CD101: variants seen among roughly 807,000 people sequenced by gnomAD.
CD101 encodes the protein CD101 molecule, also known as immunoglobulin superfamily member 2.
Under a neutral mutation model 98.2 loss-of-function variants are expected in CD101, and 76 were observed. The observed-to-expected ratio is 0.77, with a 90% confidence interval of 0.64 to 0.94. The LOEUF is 0.94. CD101 is among the 40% of genes least tolerant of loss of function. The pLI is 0.00. For synonymous variants in CD101, 471 were observed against 472.7 expected (o/e 1.00, Z 0.05); for missense variants, 1,145 against 1,218.8 (o/e 0.94, Z 0.90).
chr1:117,013,696 G>T lies in CD101; in HGVS notation c.1132G>T (p.Val378Leu). The T allele has an allele frequency of 6.2e-7, 1 of 1,614,108 alleles. No homozygotes were observed. The highest frequency in any genetic ancestry group is 1.1e-5 in the South Asian group (1 of 91,080). Reference protein sequence around the residue: ...GPEDEGAYRCVVAEVMKTRTG... With the variant: ...GPEDEGAYRCLVAEVMKTRTG... ...AGAGGATGAAGGCGCCTACAGATGT[G>T]TGGTAGCAGAGGTCATGAAAACACG... Residue 378 changes from valine (V) to leucine (L), a missense_variant, in exon 4 of 10, where the codon GTG (valine) becomes TTG (leucine). Transcript: ENST00000682167.
At position 117,001,792 on chromosome 1, in the gene CD101, G is replaced by A. The variant is rs370003822; in HGVS notation, c.-26G>A. ...CTCTGAATGTTAGTGACACTATTGG[G>A]ACGAAAAAGGACTGTGCTGGCCCAA... On this transcript the variant is annotated 5_prime_UTR_variant, in exon 1 of 10. Transcript: ENST00000682167. 32 of 1,612,148 alleles carry A rather than the reference G, an allele frequency of 2.0e-5. No individual in the cohort carries two copies. Among genetic ancestry groups the A allele is most frequent in the Non-Finnish European group, 2.4e-5 (28 of 1,178,488 alleles).
At chr1:117,024,696 A>G (rs1653793846) in intron 7 of CD101, among the ~76,000 whole-genome samples, 1 of 152,190 alleles carries the variant, frequency 6.6e-6, no homozygotes, top group South Asian at 2.1e-4. Context: ...AATAGCTCCC[A>G]TGGATGGCCT....
chr1:117,013,292 C>T (rs936557888), intron 3 of CD101, 114 bp from the exon 4 acceptor site: 177 of 1,278,670 alleles, frequency 1.4e-4, no homozygotes, highest in South Asian at 3.7e-4. Flanking sequence ...GAATTGAACT[C>T]CCACATAAAA....
intron 6 of CD101, among the ~76,000 whole-genome samples, chr1:117,020,561 C>CA (rs981596349): frequency 3.3e-5 from 5 of 152,224 alleles, no homozygotes; most frequent in Admixed American, 2.0e-4. Context: ...ACAAAACAAC[C>CA]AAAAATCTCA....
chr1:117,020,825 G>A (rs1653534333), intron 6 of CD101, among the ~76,000 whole-genome samples: 1 of 152,208 alleles, frequency 6.6e-6, no homozygotes, highest in Non-Finnish European at 1.5e-5. Context: ...GTTGAAGGAA[G>A]AGTAAAGGGA....
Position 117,022,094 on chromosome 1 carries a change from A to ATATTTT in CD101, c.2428+113_2428+114insTTTTTA. 1 of 1,226,708 alleles carries ATATTTT rather than the reference A, an allele frequency of 8.2e-7. No homozygotes were observed. Among genetic ancestry groups the ATATTTT allele is most frequent in the Non-Finnish European group, 1.1e-6 (1 of 876,644 alleles). The allele number at this position is 1,226,708 out of a possible 1,614,324, so 76.0% of individuals were successfully genotyped here. On this transcript the variant is annotated intron_variant, in intron 7 of 9. Transcript: ENST00000682167. This position sits in a 1 kb window ranked among gnomAD's most constrained non-coding sequence, Gnocchi z 4.8. ...GGAAGTAAAAATATGACCTAAAGTC[A>ATATTTT]TAGGAACAGTATCTACCTACACATG...
At chr1:117,016,848 C>A (rs1653248219) in intron 4 of CD101, among the ~76,000 whole-genome samples, 1 of 152,100 alleles carries the variant, frequency 6.6e-6, no homozygotes, top group South Asian at 2.1e-4. Flanking sequence ...AGAGCAAGAC[C>A]CAGTCTTTAG....
rs1424338219 is a variant in CD101 at position 117,033,019 on chromosome 1, A to C, written c.2825-841A>C. The C allele has an allele frequency of 6.6e-6, 1 of 152,318 alleles. No homozygotes were observed. Among genetic ancestry groups the C allele is most frequent in the Non-Finnish European group, 1.5e-5 (1 of 68,082 alleles). 9.4% of individuals were successfully genotyped at this position (152,318 alleles called of 1,614,324 possible). A position where few individuals can be genotyped will look rare whatever the true frequency, so the allele number is the denominator to read the frequency against. ...AAGTTACTGAGCACATGTGCTAGGCACTGTAGGGGATATAGAAACAAATGG... is the reference window on the plus strand; with the variant it reads ...AAGTTACTGAGCACATGTGCTAGGCCCTGTAGGGGATATAGAAACAAATGG... On this transcript the variant is annotated intron_variant, in intron 8 of 9. Transcript: ENST00000682167. The surrounding 1 kb of genome is among the most constrained non-coding windows in gnomAD (Gnocchi z 4.8).
intron 8 of CD101, chr1:117,026,719 A>G (rs1197250610): frequency 1.3e-5 from 2 of 152,250 alleles, no homozygotes; most frequent in Non-Finnish European, 2.9e-5. Context: ...GGGATCCTTC[A>G]TAGCATACAT....
chr1:117,023,722 C>A lies in CD101; in HGVS notation c.2428+1739C>A, dbSNP rs1321377928. On this transcript the variant is annotated intron_variant, in intron 7 of 9. Transcript: ENST00000682167. The surrounding 1 kb of genome is among the most constrained non-coding windows in gnomAD (Gnocchi z 4.4). ...GTGAGCCACTGCGCCCAGCCCAGTT[C>A]TCTTAAAATACTGCAAGTGTCAAGC... 1.3e-5 allele frequency among the ~76,000 whole-genome samples: 2 copies of A among 151,884 alleles called. No individual in the cohort carries two copies. The highest frequency in any genetic ancestry group is 4.8e-5 in the African/African-American group (2 of 41,368).
At chr1:117,003,394 G>C (rs954029368) in intron 1 of CD101, among the ~76,000 whole-genome samples, 3 of 152,188 alleles carry the variant, frequency 2.0e-5, no homozygotes, top group African/African-American at 7.2e-5. Context: ...TCAGACCTAG[G>C]GCCTGCAGGG....
intron 9 of CD101, among the ~76,000 whole-genome samples, chr1:117,035,001 C>T (rs1654720143): frequency 6.6e-6 from 1 of 152,166 alleles, no homozygotes; most frequent in Non-Finnish European, 1.5e-5. Context: ...ACCGTTCCCT[C>T]ATACGCCTGC....
intron 1 of CD101, 71 bp from the exon 2 acceptor site, chr1:117,009,779 A>G: frequency 2.0e-6 from 3 of 1,467,350 alleles, no homozygotes; most frequent in Non-Finnish European, 2.8e-6. Flanking sequence ...ACAGGGAAAT[A>G]CATAACGTGG....
At chr1:117,026,239 T>G (rs1039426540) in intron 8 of CD101, 8 of 224,376 alleles carry the variant, frequency 3.6e-5, no homozygotes, top group Non-Finnish European at 7.0e-5. Flanking sequence ...AGGGGTGTGG[T>G]CTTGGTGCCA....
In CD101 at chr1:117,021,675, T is replaced by C; in HGVS notation, c.2120T>C (p.Leu707Pro). 6.2e-7 allele frequency: 1 copy of C among 1,614,168 alleles called. No individual in the cohort carries two copies. The highest frequency in any genetic ancestry group is 8.5e-7 in the Non-Finnish European group (1 of 1,180,016). ...CSILSRSNGN[L>P]QLAIIWYFSP... Reference sequence around the variant, plus strand: ...ATCTTGTCCCGGTCCAATGGAAACCTTCAGTTAGCCATTATTTGGTATTTT... The same window carrying C: ...ATCTTGTCCCGGTCCAATGGAAACCCTCAGTTAGCCATTATTTGGTATTTT... Residue 707 changes from leucine to proline, a missense_variant, in exon 7 of 10, where the codon CTT (leucine) becomes CCT (proline). Leu to Pro is a moderately conservative substitution (Grantham distance 98). Transcript: ENST00000682167. This position sits in a 1 kb window ranked among gnomAD's most constrained non-coding sequence, Gnocchi z 4.7.
At chr1:117,017,611 C>T (rs978702406) in intron 5 of CD101, 138 bp downstream of exon 5, 1 of 795,138 alleles carries the variant, frequency 1.3e-6, no homozygotes, top group Non-Finnish European at 2.0e-6. Context: ...TCTGGCTACC[C>T]TCTCTGTCAA....
intron 4 of CD101, among the ~76,000 whole-genome samples, chr1:117,016,240 C>T (rs896580770): frequency 6.8e-6 from 1 of 148,074 alleles, no homozygotes; most frequent in African/African-American, 2.5e-5. Context: ...TGTATATATA[C>T]ACGTATTTTC....
chr1:117,011,982 C>A lies in CD101; in HGVS notation c.841+16C>A. On this transcript the variant is annotated intron_variant, in intron 3 of 9. Coordinates refer to ENST00000682167, the MANE Select transcript of CD101 (RefSeq NM_001256106.3). ...CAGCCAGCAGGTAATTATCTTCCTACGAAATTCATTAATACACTAGTATTA... is the reference window on the plus strand; with the variant it reads ...CAGCCAGCAGGTAATTATCTTCCTAAGAAATTCATTAATACACTAGTATTA... 6.2e-7 allele frequency: 1 copy of A among 1,600,034 alleles called. No individual in the cohort carries two copies. The highest frequency in any genetic ancestry group is 1.3e-5 in the African/African-American group (1 of 74,666).
chr1:117,018,645 A>T lies in CD101; in HGVS notation c.2017+85A>T. The T allele has an allele frequency of 3.1e-6, 4 of 1,279,760 alleles. No individual in the cohort carries two copies. Among genetic ancestry groups the T allele is most frequent in the Non-Finnish European group, 3.2e-6 (3 of 932,206 alleles). The allele number at this position is 1,279,760 out of a possible 1,614,324, so 79.3% of individuals were successfully genotyped here. On this transcript the variant is annotated intron_variant, in intron 6 of 9. Coordinates refer to ENST00000682167, the MANE Select transcript of CD101 (RefSeq NM_001256106.3). The surrounding 1 kb of genome is among the most constrained non-coding windows in gnomAD (Gnocchi z 4.3). Reference sequence around the variant, plus strand: ...TTTGGGTAAGTTATAACAATAAAACATAAAATACTTTCTCCCATATTTGTT... The same window carrying T: ...TTTGGGTAAGTTATAACAATAAAACTTAAAATACTTTCTCCCATATTTGTT...
Sources: allele counts gnomAD v4.1 joint callset (sites outside exome capture counted in the v4.1 genomes callset), GRCh38; gene constraint gnomAD v4.1.1; non-coding constraint Gnocchi (gnomAD v3.1); transcripts MANE v1.5; gene names NCBI Gene and HGNC (gene_info 2026-07-23, HGNC 2026-07-21).